The following DYNC1LI1 variants were observed in gnomAD, a reference collection of about 807,000 sequenced individuals.
The protein encoded by DYNC1LI1 is cytoplasmic dynein 1 light intermediate chain 1.
A neutral mutation model predicts 63.8 loss-of-function variants in DYNC1LI1; 19 were observed. The observed-to-expected ratio is 0.30, with a 90% CI of 0.21 to 0.44. DYNC1LI1 has a LOEUF of 0.44. Ranked by LOEUF, DYNC1LI1 falls within the 20% of genes least tolerant of loss-of-function variation. DYNC1LI1 has a pLI of 1.00. For synonymous variants in DYNC1LI1, 225 were observed against 232.3 expected, an observed-to-expected ratio of 0.97 and a Z score of 0.28; for missense variants, 565 against 630.2, an observed-to-expected ratio of 0.90 and a Z score of 1.11.
chr3:32,528,337 T>C, intron 12 of DYNC1LI1, 109 bp downstream of exon 12: 2 of 1,275,156 alleles, frequency 1.6e-6, no homozygotes, highest in Non-Finnish European at 2.2e-6. Context: ...CCTGCCCAAC[T>C]TAGCAAAGAT....
In DYNC1LI1 at chr3:32,537,886, T is replaced by A. The variant is rs530002753; in HGVS notation, c.739-782A>T. On this transcript the variant is annotated intron_variant, in intron 5 of 12. Coordinates refer to ENST00000273130, the MANE Select transcript of DYNC1LI1 (RefSeq NM_016141.4). ...TTTTTTTGTTACATATATATATATATAATTTATATATATAATATATATATA... is the reference window on the plus strand; with the variant it reads ...TTTTTTTGTTACATATATATATATAAAATTTATATATATAATATATATATA... 3.9e-3 allele frequency among the ~76,000 whole-genome samples: 386 copies of A among 99,932 alleles called. 15 individuals carry two copies. Among genetic ancestry groups the A allele is most frequent in the African/African-American group, 0.016 (367 of 23,442 alleles). The allele number at this position is 99,932 out of a possible 152,430, so 65.6% of individuals were successfully genotyped here.
At position 32,533,101 on chromosome 3, in the gene DYNC1LI1, G is replaced by A. The variant is rs553872984; in HGVS notation, c.969-4C>T. Reference sequence around the variant, plus strand: ...ATCATTATCCCACCCTGCTGGACTGGAAAGAAATACATATGATAAATTCTC... The same window carrying A: ...ATCATTATCCCACCCTGCTGGACTGAAAAGAAATACATATGATAAATTCTC... On this transcript the variant is annotated splice_polypyrimidine_tract_variant and splice_region_variant and intron_variant, in intron 7 of 12. Coordinates refer to ENST00000273130, the MANE Select transcript of DYNC1LI1 (RefSeq NM_016141.4). 5.7e-6 allele frequency: 9 copies of A among 1,589,006 alleles called. No homozygotes were observed. The African/African-American group carries it at 1.2e-4, about 22-fold the overall frequency.
chr3:32,541,840 G>T (rs914300701), intron 4 of DYNC1LI1, among the ~76,000 whole-genome samples: 3 of 152,150 alleles, frequency 2.0e-5, no homozygotes, highest in Admixed American at 2.0e-4. Flanking sequence ...ACTCGCCTAG[G>T]AATTCTCAAG....
At chr3:32,566,760 CA>C (rs906182690) in intron 2 of DYNC1LI1, 7 of 422,694 alleles carry the variant, frequency 1.7e-5, no homozygotes, top group South Asian at 3.4e-5. Context: ...AACAAACAAA[CA>C]AAAAAACAAA....
intron 2 of DYNC1LI1, among the ~76,000 whole-genome samples, chr3:32,550,270 A>G (rs1207533900): frequency 6.6e-6 from 1 of 152,172 alleles, no homozygotes; most frequent in East Asian, 1.9e-4. Flanking sequence ...CGTCTCTACT[A>G]AAAATACAAA....
At chr3:32,540,835 A>T (rs1697870730) in intron 5 of DYNC1LI1, among the ~76,000 whole-genome samples, 1 of 152,244 alleles carries the variant, frequency 6.6e-6, no homozygotes, top group Non-Finnish European at 1.5e-5. Context: ...AGTATTTGAA[A>T]TAACATTTTC....
rs758880431 is a variant in DYNC1LI1 at position 32,570,605 on chromosome 3, G to A, written c.146+20C>T. 6.4e-7 allele frequency: 1 copy of A among 1,555,788 alleles called. No homozygotes were observed. Among genetic ancestry groups the A allele is most frequent in the Non-Finnish European group, 8.7e-7 (1 of 1,149,926 alleles). ...GGCCGGGGGAGCCAGCGGGGGCTGAGGGAGAGGTGGAGTCGTTACCAAAGG... is the reference window on the plus strand; with the variant it reads ...GGCCGGGGGAGCCAGCGGGGGCTGAAGGAGAGGTGGAGTCGTTACCAAAGG... On this transcript the variant is annotated intron_variant, in intron 1 of 12. Coordinates refer to ENST00000273130, the MANE Select transcript of DYNC1LI1 (RefSeq NM_016141.4).
chr3:32,532,695 C>T (rs894988448), intron 8 of DYNC1LI1: 3 of 261,248 alleles, frequency 1.1e-5, no homozygotes, highest in African/African-American at 2.3e-5. Context: ...CACATATTCA[C>T]TCATGCCAAT....
At chr3:32,529,236 TA>T (rs1697663002) in intron 11 of DYNC1LI1, among the ~76,000 whole-genome samples, 1 of 152,220 alleles carries the variant, frequency 6.6e-6, no homozygotes, top group Admixed American at 6.5e-5. Flanking sequence ...CTATTATGCA[TA>T]TAGTTTTTTC....
At chr3:32,547,817 G>A (rs1050571903) in intron 2 of DYNC1LI1, among the ~76,000 whole-genome samples, 5 of 152,162 alleles carry the variant, frequency 3.3e-5, no homozygotes, top group Non-Finnish European at 5.9e-5. Context: ...TGTTCATTGC[G>A]GCATTATTCA....
intron 2 of DYNC1LI1, among the ~76,000 whole-genome samples, chr3:32,567,533 T>C (rs941267517): frequency 8.8e-6 from 1 of 113,888 alleles, no homozygotes; most frequent in Admixed American, 9.3e-5. Context: ...TTATTTTATT[T>C]ATTATTATTA....
chr3:32,534,082 T>C (rs1419664342), intron 7 of DYNC1LI1, among the ~76,000 whole-genome samples: 3 of 151,516 alleles, frequency 2.0e-5, no homozygotes, highest in African/African-American at 4.9e-5. Context: ...TTTCGCCATG[T>C]TGGCCAGGCT....
intron 2 of DYNC1LI1, among the ~76,000 whole-genome samples, chr3:32,559,573 A>T (rs1421536172): frequency 6.6e-6 from 1 of 152,144 alleles, no homozygotes; most frequent in African/African-American, 2.4e-5. Context: ...AGTTTAAAAA[A>T]TATAACAATA....
In DYNC1LI1 at chr3:32,537,030, G is replaced by T; in HGVS notation, c.813C>A (p.Ile271=). Residue 271 remains isoleucine, a synonymous_variant, in exon 6 of 13, where the codon ATC becomes ATA. Coordinates refer to ENST00000273130, the MANE Select transcript of DYNC1LI1 (RefSeq NM_016141.4). Reference sequence around the variant, plus strand: ...GGATACACTGTAAACAAAACTTCCGGATATGTGACTGAATAAAATCAAAAT... The same window carrying T: ...GGATACACTGTAAACAAAACTTCCGTATATGTGACTGAATAAAATCAAAAT... ...DEHFDFIQSH[I]RKFCLQYGAA... 3 of 1,591,236 alleles carry T rather than the reference G, an allele frequency of 1.9e-6. No homozygotes were observed. The highest frequency in any genetic ancestry group is 2.6e-6 in the Non-Finnish European group (3 of 1,165,910).
chr3:32,545,340 C>T (rs1697938162), intron 3 of DYNC1LI1: 1 of 549,780 alleles, frequency 1.8e-6, no homozygotes, highest in East Asian at 3.1e-5. Context: ...CCTAAAATGA[C>T]TTAACTGTAG....
chr3:32,541,008 G>C (rs1187960163), intron 5 of DYNC1LI1, 29 bp downstream of exon 5: 17 of 1,538,536 alleles, frequency 1.1e-5, no homozygotes, highest in Non-Finnish European at 1.5e-5. Context: ...GTGAATATCA[G>C]TTGCAGAATC....
intron 5 of DYNC1LI1, among the ~76,000 whole-genome samples, chr3:32,537,937 A>ATAATTTATATATATAATTTATATATAAT (rs60796171): frequency 7.2e-5 from 1 of 13,886 alleles, no homozygotes; most frequent in African/African-American, 3.5e-4. Context: ...ATATATATAT[A>ATAATTTATATATATAATTTATATATAAT]ATATATATAT....
intron 6 of DYNC1LI1, 135 bp downstream of exon 6, chr3:32,536,876 T>C (rs770624001): frequency 7.5e-5 from 42 of 557,116 alleles, no homozygotes; most frequent in Non-Finnish European, 1.2e-4. Context: ...GGAACTAAAA[T>C]GAAATTTCCA....
chr3:32,534,023 T>G (rs530898277), intron 7 of DYNC1LI1, among the ~76,000 whole-genome samples: 59 of 151,928 alleles, frequency 3.9e-4, no homozygotes, highest in African/African-American at 1.4e-3. Flanking sequence ...ACTACAGGTG[T>G]GCACCACCAC....
Sources: gnomAD v4.1 joint callset for allele counts (sites outside exome capture counted in the v4.1 genomes callset) on GRCh38, gnomAD v4.1.1 for gene constraint, MANE v1.5 for transcripts, NCBI Gene and HGNC (gene_info 2026-07-23, HGNC 2026-07-21) for gene names.